The following CNIH3 variants were observed in gnomAD, a reference collection of about 807,000 sequenced individuals.
CNIH3 encodes the protein protein cornichon homolog 3.
Under a neutral mutation model 24.1 loss-of-function variants are expected in CNIH3, and 14 were observed. The ratio of observed to expected loss-of-function variants is 0.58; its 90% CI spans 0.38 to 0.91. The LOEUF is 0.91. Among genes scored for constraint, CNIH3 ranks in the 40% least tolerant of loss-of-function variants. The probability of loss-of-function intolerance (pLI) is 0.00; values close to 1 mark genes in which losing one functional copy is unlikely to be tolerated. For missense variants in CNIH3, 178 were observed against 196.8 expected, an observed-to-expected ratio of 0.90 and a Z score of 0.57; for synonymous variants, 68 against 73.8, an observed-to-expected ratio of 0.92 and a Z score of 0.40.
chr1:224,723,151 C>G (rs781348011), intron 3 of CNIH3, among the ~76,000 whole-genome samples: 25 of 152,140 alleles, frequency 1.6e-4, no homozygotes, highest in Admixed American at 7.9e-4. Context: ...TCAGGCAGCT[C>G]CCAGGGTGCT....
rs183275458 is a variant in CNIH3, at chr1:224,574,602, G to A, written n.516+8338G>A. 3.2e-5 allele frequency: 26 copies of A among 813,866 alleles called. No individual in the cohort carries two copies. In the African/African-American group the frequency reaches 3.7e-4, roughly 12 times the overall value. The allele number at this position is 813,866 out of a possible 1,614,324, so 50.4% of individuals were successfully genotyped here. On this transcript the variant is annotated intron_variant and non_coding_transcript_variant, in intron 4 of 5. Transcript: ENST00000471578. ...GTACCAGAATGAGAATGACGTGGGGGTGGCCATTCGGGAGAAGCTCAGGGA... is the reference window on the plus strand; with the variant it reads ...GTACCAGAATGAGAATGACGTGGGGATGGCCATTCGGGAGAAGCTCAGGGA...
At chr1:224,538,901 C>G (rs1363393141), downstream of CNIH3, among the ~76,000 whole-genome samples, 1 of 146,932 alleles carries the variant, frequency 6.8e-6, no homozygotes, top group African/African-American at 2.6e-5. Context: ...CTCCTGGTCT[C>G]AAGTGATTCT....
chr1:224,596,300 T>C (rs1418751266), intron 3 of CNIH3, among the ~76,000 whole-genome samples: 3 of 152,250 alleles, frequency 2.0e-5, no homozygotes, highest in Non-Finnish European at 2.9e-5. Flanking sequence ...GCCTGTGCTC[T>C]CTAAGTGGAA....
intron 3 of CNIH3, among the ~76,000 whole-genome samples, chr1:224,713,565 A>G (rs908292785): frequency 1.3e-5 from 2 of 152,190 alleles, no homozygotes; most frequent in African/African-American, 4.8e-5. Context: ...TTATAAAAGC[A>G]CCTACTTCAT....
At chr1:224,612,695 G>T (rs1313618066), upstream of CNIH3, among the ~76,000 whole-genome samples, 1 of 152,102 alleles carries the variant, frequency 6.6e-6, no homozygotes, top group Non-Finnish European at 1.5e-5. This position sits in a 1 kb window ranked among gnomAD's most constrained non-coding sequence, Gnocchi z 4.7. Flanking sequence ...ATAATTTTAG[G>T]CCTCAAATGA....
intron 3 of CNIH3, among the ~76,000 whole-genome samples, chr1:224,699,318 G>A (rs1687352762): frequency 6.6e-6 from 1 of 152,202 alleles, no homozygotes; most frequent in Non-Finnish European, 1.5e-5. Flanking sequence ...AGAGACTGTT[G>A]AAACTGATGT....
chr1:224,531,296 A>G (rs940454662), intron 2 of CNIH3, among the ~76,000 whole-genome samples: 2 of 152,208 alleles, frequency 1.3e-5, no homozygotes, highest in Non-Finnish European at 2.9e-5. Flanking sequence ...CTGGAACTCC[A>G]TGGAGCCTGG....
intron 1 of CNIH3, among the ~76,000 whole-genome samples, chr1:224,630,450 C>T (rs1051236340): frequency 2.6e-5 from 4 of 152,040 alleles, no homozygotes; most frequent in Admixed American, 2.0e-4. Flanking sequence ...GAGTCACAAA[C>T]GTGATTTAAA....
intron 3 of CNIH3, among the ~76,000 whole-genome samples, chr1:224,690,033 C>A (rs555752952): frequency 6.6e-6 from 1 of 152,160 alleles, no homozygotes; most frequent in East Asian, 1.9e-4. Flanking sequence ...AGGCTGACTC[C>A]TGTTGCATCT....
chr1:224,648,574 A>G (rs1310706293), intron 1 of CNIH3, among the ~76,000 whole-genome samples: 2 of 152,156 alleles, frequency 1.3e-5, no homozygotes, highest in Non-Finnish European at 2.9e-5. Flanking sequence ...TTCATTCTTC[A>G]GAGTCATTTA....
chr1:224,697,970 C>T (rs542136414), intron 3 of CNIH3, among the ~76,000 whole-genome samples: 13 of 152,308 alleles, frequency 8.5e-5, no homozygotes, highest in African/African-American at 2.9e-4. Flanking sequence ...TTCGCATGCT[C>T]CAGACATATC....
chr1:224,577,315 A>G (rs1275584512), intron 4 of CNIH3, among the ~76,000 whole-genome samples: 1 of 152,232 alleles, frequency 6.6e-6, no homozygotes, highest in Non-Finnish European at 1.5e-5. Flanking sequence ...GCATCTGAGA[A>G]AGGACTAATA....
At chr1:224,566,610 C>T (rs556786334) in intron 4 of CNIH3, among the ~76,000 whole-genome samples, 7 of 152,236 alleles carry the variant, frequency 4.6e-5, no homozygotes, top group Non-Finnish European at 8.8e-5. Flanking sequence ...TGAGTGAGAA[C>T]ATGTGGTGTT....
At chr1:224,623,448 G>A (rs148362983) in intron 1 of CNIH3, among the ~76,000 whole-genome samples, 6 of 152,104 alleles carry the variant, frequency 3.9e-5, no homozygotes, top group East Asian at 1.9e-4. Flanking sequence ...GCGGATGCAC[G>A]GTTTGACCTT....
At chr1:224,582,523 C>T (rs1380168922) in intron 4 of CNIH3, among the ~76,000 whole-genome samples, 1 of 152,076 alleles carries the variant, frequency 6.6e-6, no homozygotes, top group Non-Finnish European at 1.5e-5. Context: ...GTGCAATACA[C>T]CTGGATCAAT....
At chr1:224,692,403 T>C (rs1686974393) in intron 3 of CNIH3, among the ~76,000 whole-genome samples, 1 of 152,220 alleles carries the variant, frequency 6.6e-6, no homozygotes, top group South Asian at 2.1e-4. Context: ...TCTTTTTAGC[T>C]GTTAATACGG....
Position 224,616,713 on chromosome 1 carries a change from C to G in CNIH3, c.-462C>G. The G allele has an allele frequency of 1.0e-6, 1 of 993,512 alleles. No individual in the cohort carries two copies. The highest frequency in any genetic ancestry group is 1.2e-6 in the Non-Finnish European group (1 of 835,622). The allele number at this position is 993,512 out of a possible 1,614,324, so 61.5% of individuals were successfully genotyped here. ...ACTATCCGTTTGCGCCCCGGTGGCG[C>G]GGGAGGGTCCGGAGCGGAGCGCTCG... On this transcript the variant is annotated 5_prime_UTR_variant, in exon 1 of 6. Coordinates refer to ENST00000272133, the MANE Select transcript of CNIH3 (RefSeq NM_152495.2).
At chr1:224,588,949 A>C (rs1681627097), downstream of CNIH3, among the ~76,000 whole-genome samples, 2 of 133,310 alleles carry the variant, frequency 1.5e-5, no homozygotes, top group Admixed American at 7.8e-5. Context: ...CCAAGCTACT[A>C]CCTTCTTCCT....
chr1:224,600,387 TC>T, intron 3 of CNIH3, among the ~76,000 whole-genome samples: 1 of 152,258 alleles, frequency 6.6e-6, no homozygotes, highest in South Asian at 2.1e-4. Flanking sequence ...AGACGGTGTT[TC>T]TCCTTGTTGG....
Sources: gnomAD v4.1 joint callset for allele counts (sites outside exome capture counted in the v4.1 genomes callset) on GRCh38, gnomAD v4.1.1 for gene constraint, Gnocchi (gnomAD v3.1) non-coding constraint, MANE v1.5 for transcripts, NCBI Gene and HGNC (gene_info 2026-07-23, HGNC 2026-07-21) for gene names.